The following FANCC variants were observed in gnomAD, a reference collection of about 807,000 sequenced individuals.
FANCC encodes the protein FA complementation group C.
In FANCC, 55 loss-of-function variants were observed where a neutral mutation model predicts 71.3. The ratio of observed to expected loss-of-function variants is 0.77; its 90% confidence interval spans 0.62 to 0.97. The LOEUF (loss-of-function observed/expected upper bound fraction) is 0.97. Among genes scored for constraint, FANCC ranks in the 50% least tolerant of loss-of-function variants. The probability of loss-of-function intolerance (pLI) is 0.00; values close to 1 mark genes in which losing one functional copy is unlikely to be tolerated. For synonymous variants in FANCC, 275 were observed against 244.9 expected (o/e 1.12, Z -1.15); for missense variants, 678 against 670.9 (o/e 1.01, Z -0.12).
chr9:95,123,925 A>C (rs1014513539), intron 10 of FANCC: 2 of 397,932 alleles, frequency 5.0e-6, no homozygotes, highest in South Asian at 4.2e-5. Flanking sequence ...AATAAAATGG[A>C]AATTGTACTT....
At chr9:95,292,283 C>A in intron 1 of FANCC, 2 of 307,048 alleles carry the variant, frequency 6.5e-6, no homozygotes, top group Non-Finnish European at 9.7e-6. Context: ...CTATCTCTCA[C>A]CACTTAGAAA....
intron 3 of FANCC, among the ~76,000 whole-genome samples, chr9:95,246,050 A>G (rs1226453030): frequency 6.6e-6 from 1 of 152,208 alleles, no homozygotes; most frequent in African/African-American, 2.4e-5. Flanking sequence ...GTGTGTGTGC[A>G]TATCCACGTG....
In FANCC at chr9:95,111,554, A is replaced by G. The variant is rs762847515; in HGVS notation, c.1238T>C (p.Met413Thr). The G allele has an allele frequency of 6.2e-7, 1 of 1,614,158 alleles. No homozygotes were observed. Among genetic ancestry groups the G allele is most frequent in the Non-Finnish European group, 8.5e-7 (1 of 1,180,030 alleles). ...GGCCGTGGGGGGTTCGGCTGCCGAC[A>G]TCAGTAATTGCTCTGCCACCATCTC... ...WAEMVAEQLLMSAAEPPTALL... is the reference protein window; with the variant it reads ...WAEMVAEQLLTSAAEPPTALL... Residue 413 changes from methionine to threonine, a missense_variant, in exon 13 of 15, where the codon ATG (methionine) becomes ACG (threonine). Coordinates refer to ENST00000289081, the MANE Select transcript of FANCC (RefSeq NM_000136.3).
At chr9:95,166,811 T>G (rs1313808415) in intron 6 of FANCC, among the ~76,000 whole-genome samples, 1 of 152,128 alleles carries the variant, frequency 6.6e-6, no homozygotes, top group Non-Finnish European at 1.5e-5. Flanking sequence ...CTGGAACCAA[T>G]CCTCTCTGGA....
intron 1 of FANCC, among the ~76,000 whole-genome samples, chr9:95,290,588 G>A (rs1448745782): frequency 6.6e-6 from 1 of 152,268 alleles, no homozygotes; most frequent in Non-Finnish European, 1.5e-5. Context: ...GAGTGGGTAG[G>A]TAACCAGAGC....
intron 4 of FANCC, among the ~76,000 whole-genome samples, chr9:95,220,166 A>C (rs1829144910): frequency 6.6e-6 from 1 of 152,254 alleles, no homozygotes; most frequent in African/African-American, 2.4e-5. Flanking sequence ...AACCACAATG[A>C]GATACCATCT....
intron 1 of FANCC, among the ~76,000 whole-genome samples, chr9:95,298,155 GA>G (rs1257437543): frequency 6.6e-6 from 1 of 152,034 alleles, no homozygotes; most frequent in African/African-American, 2.4e-5. Flanking sequence ...AAGGAATAGA[GA>G]AAAGCACCCA....
intron 1 of FANCC, among the ~76,000 whole-genome samples, chr9:95,290,706 C>CA (rs949910443): frequency 6.6e-6 from 1 of 152,084 alleles, no homozygotes; most frequent in African/African-American, 2.4e-5. Flanking sequence ...TAAAAGCAGA[C>CA]AGAGATTATA....
At chr9:95,271,744 C>A (rs1238977911) in intron 1 of FANCC, among the ~76,000 whole-genome samples, 1 of 151,794 alleles carries the variant, frequency 6.6e-6, no homozygotes, top group East Asian at 1.9e-4. Context: ...TGAAGATTCC[C>A]TTCTACCAAT....
intron 1 of FANCC, among the ~76,000 whole-genome samples, chr9:95,274,997 G>T (rs1832952483): frequency 6.6e-6 from 1 of 151,794 alleles, no homozygotes; most frequent in Non-Finnish European, 1.5e-5. Flanking sequence ...AGGCGTGGTG[G>T]CTCATGCTTG....
chr9:95,313,622 T>C (rs1417541181), intron 1 of FANCC, among the ~76,000 whole-genome samples: 1 of 152,140 alleles, frequency 6.6e-6, no homozygotes, highest in African/African-American at 2.4e-5. Context: ...CATTCTAAGA[T>C]GCCACTATTA....
chr9:95,135,535 G>A (rs971530992), intron 7 of FANCC, 33 bp from the exon 8 acceptor site: 2 of 1,599,346 alleles, frequency 1.3e-6, no homozygotes, highest in East Asian at 4.5e-5. Context: ...ATTTTAAACA[G>A]AAATGGCTCA....
At chr9:95,145,523 A>C (rs1829414072) in intron 7 of FANCC, 1 of 152,204 alleles carries the variant, frequency 6.6e-6, no homozygotes, top group Admixed American at 6.5e-5. Flanking sequence ...CTGCAACTAG[A>C]AAAATTGGTT....
chr9:95,135,376 C>T lies in FANCC; in HGVS notation c.813G>A (p.Arg271=). The T allele has an allele frequency of 6.2e-7, 1 of 1,614,098 alleles. No homozygotes were observed. Among genetic ancestry groups the T allele is most frequent in the Non-Finnish European group, 8.5e-7 (1 of 1,180,014 alleles). The change falls in exon 8 of 15, where the codon AGG becomes AGA. Residue 271 remains arginine (R), a synonymous_variant. Transcript: ENST00000289081. ...LISSERNCLR[R]IECFIKDSSL... ...ATGAATCTTTTATAAAGCATTCGAT[C>T]CTTCTCAGACAATTTCTCTCACTGG...
chr9:95,110,925 C>T, intron 13 of FANCC: 6 of 1,325,148 alleles, frequency 4.5e-6, no homozygotes, highest in Non-Finnish European at 5.8e-6. Flanking sequence ...AAATGACCAA[C>T]TTCTTTTTCA....
At chr9:95,277,076 T>C (rs1833084397) in intron 1 of FANCC, among the ~76,000 whole-genome samples, 1 of 152,246 alleles carries the variant, frequency 6.6e-6, no homozygotes, top group African/African-American at 2.4e-5. Flanking sequence ...GATGGTAACA[T>C]TGTTCTTGAA....
At position 95,221,612 on chromosome 9, in the gene FANCC, T is replaced by C. The variant is rs79978125; in HGVS notation, c.345+19037A>G. Among the ~76,000 whole-genome samples the C allele has an allele frequency of 3.1e-3, 468 of 152,332 alleles. 1 individual carries two copies. Among genetic ancestry groups the C allele is most frequent in the African/African-American group, 0.011 (454 of 41,572 alleles). On this transcript the variant is annotated intron_variant, in intron 4 of 14. Coordinates refer to ENST00000289081, the MANE Select transcript of FANCC (RefSeq NM_000136.3). ...AAGGCAAGCCACAACTGAGTGGATATGTTCTCTGAATACATATCTTTGACA... is the reference window on the plus strand; with the variant it reads ...AAGGCAAGCCACAACTGAGTGGATACGTTCTCTGAATACATATCTTTGACA...
intron 8 of FANCC, among the ~76,000 whole-genome samples, chr9:95,132,582 C>T (rs3780566): frequency 0.026 from 3,964 of 152,234 alleles, 155 homozygotes; most frequent in African/African-American, 0.08. Flanking sequence ...AGCTACCAAC[C>T]GTGGCAGACA....
intron 1 of FANCC, among the ~76,000 whole-genome samples, chr9:95,310,835 G>A (rs1176557642): frequency 6.6e-6 from 1 of 152,174 alleles, no homozygotes; most frequent in Non-Finnish European, 1.5e-5. Context: ...AATATACCCT[G>A]AAGAAGTTGG....
Sources: gnomAD v4.1 joint callset for allele counts (sites outside exome capture counted in the v4.1 genomes callset) on GRCh38, gnomAD v4.1.1 for gene constraint, MANE v1.5 for transcripts, NCBI Gene and HGNC (gene_info 2026-07-23, HGNC 2026-07-21) for gene names.